PCGF5: variants seen among roughly 807,000 people sequenced by gnomAD.
The protein encoded by PCGF5 is polycomb group RING finger protein 5.
Under a neutral mutation model 44.3 loss-of-function variants are expected in PCGF5, and 9 were observed. That is an observed-to-expected ratio of 0.20 (90% CI 0.12 to 0.35). The LOEUF is 0.35. PCGF5 is among the 10% of genes least tolerant of loss of function. PCGF5 has a pLI of 1.00. For missense variants in PCGF5, 146 were observed against 305.3 expected (o/e 0.48, Z 3.89); for synonymous variants, 95 against 102.5 (o/e 0.93, Z 0.44).
intron 3 of PCGF5, among the ~76,000 whole-genome samples, chr10:91,246,646 G>A (rs1386544073): frequency 6.6e-6 from 1 of 152,130 alleles, no homozygotes; most frequent in East Asian, 1.9e-4. Context: ...TGGGAGAATA[G>A]GTGGGACAGA....
At chr10:91,233,893 G>A (rs1056116290) in intron 2 of PCGF5, among the ~76,000 whole-genome samples, 1 of 152,226 alleles carries the variant, frequency 6.6e-6, no homozygotes, top group Non-Finnish European at 1.5e-5. Flanking sequence ...AACAAAGGAA[G>A]TCAGCCTTTG....
chr10:91,212,611 T>C (rs1359027060), intron 1 of PCGF5, among the ~76,000 whole-genome samples: 1 of 152,198 alleles, frequency 6.6e-6, no homozygotes, highest in African/African-American at 2.4e-5. Context: ...TAAATCAAAG[T>C]GGAAAATAAC....
chr10:91,262,295 A>G (rs4451623), intron 7 of PCGF5, among the ~76,000 whole-genome samples: 19,843 of 152,024 alleles, frequency 0.13, 2,438 homozygotes, highest in African/African-American at 0.32. Flanking sequence ...GTGTGGTGGC[A>G]GGTGCCTGTA....
rs769887615 is a variant in PCGF5, at chr10:91,264,525, A to G, written c.663+5A>G. 3 of 1,597,164 alleles carry G rather than the reference A, an allele frequency of 1.9e-6. No homozygotes were observed. In the African/African-American group the frequency reaches 4.0e-5, roughly 22 times the overall value. ...TGGCGACTAAGAGGCGAAAACGTAA[A>G]TTGCTTTTATATTTACCTATGTGTT... On this transcript the variant is annotated splice_donor_5th_base_variant and intron_variant, in intron 8 of 9. Coordinates refer to ENST00000336126, the MANE Select transcript of PCGF5 (RefSeq NM_032373.5).
chr10:91,230,069 G>A (rs11186509), intron 2 of PCGF5, among the ~76,000 whole-genome samples: 35,220 of 151,926 alleles, frequency 0.23, 4,433 homozygotes, highest in Non-Finnish European at 0.28. Context: ...TGTATAGTTC[G>A]TTTAGCTTTT....
rs757113008 is a variant in PCGF5 at position 91,248,729 on chromosome 10, CTT to C, written c.325+9_325+10del. The stretch of plus-strand genomic sequence containing the variant: ...AGCCTCAAGAAAATGGACAAGGTGA[CTT>C]TTTCTTATGTCTGTTTCTGACAGCA... On this transcript the variant is annotated splice_donor_region_variant and intron_variant, in intron 5 of 9. Transcript: ENST00000336126. The C allele has an allele frequency of 6.2e-7, 1 of 1,604,382 alleles. No individual in the cohort carries two copies. Among genetic ancestry groups the C allele is most frequent in the East Asian group, 2.2e-5 (1 of 44,794 alleles).
intron 1 of PCGF5, among the ~76,000 whole-genome samples, chr10:91,186,368 G>A (rs1843923432): frequency 6.6e-6 from 1 of 152,166 alleles, no homozygotes; most frequent in African/African-American, 2.4e-5. Flanking sequence ...TAGGTGATTA[G>A]CAAGCAAGAG....
At chr10:91,251,094 C>T (rs914643775) in intron 5 of PCGF5, among the ~76,000 whole-genome samples, 198 bp from the exon 6 acceptor site, 30 of 143,288 alleles carry the variant, frequency 2.1e-4, no homozygotes, top group Admixed American at 6.8e-4. Context: ...TAATAAGTTT[C>T]CAATTTTTTT....
upstream of PCGF5, among the ~76,000 whole-genome samples, chr10:91,159,476 G>A (rs1188970581): frequency 1.3e-5 from 2 of 152,116 alleles, no homozygotes; most frequent in African/African-American, 2.4e-5. Flanking sequence ...AGAGAGCTCC[G>A]AGGCTCAGTG....
At chr10:91,157,977 G>C in the PCGF5 span, among the ~76,000 whole-genome samples, 1 of 152,214 alleles carries the variant, frequency 6.6e-6, no homozygotes, top group South Asian at 2.1e-4. Context: ...CAAGGTATTG[G>C]ATCATTAGTC....
chr10:91,160,574 T>C (rs1471744533), upstream of PCGF5, among the ~76,000 whole-genome samples: 1 of 151,992 alleles, frequency 6.6e-6, no homozygotes, highest in Non-Finnish European at 1.5e-5. Flanking sequence ...ATCTCCTTCA[T>C]GCTGAAGAAA....
rs749491247 is a variant in PCGF5, at chr10:91,207,204, C to A, written c.-183-15485C>A. On this transcript the variant is annotated intron_variant, in intron 1 of 9. Coordinates refer to the PCGF5 transcript ENST00000614189. ...CATTTACTTTTATTTAAGTTTAAGA[C>A]CACTTTGGTGAGGGATGTGCAGCTG... Among the ~76,000 whole-genome samples, 6 of 152,290 alleles carry A rather than the reference C, an allele frequency of 3.9e-5. No individual in the cohort carries two copies. The East Asian group carries it at 5.8e-4, about 15-fold the overall frequency.
rs1056805889 is a variant in PCGF5 at position 91,228,015 on chromosome 10, A to G, written c.112+5032A>G. The G allele has an allele frequency of 7.2e-6, 6 of 829,816 alleles. No homozygotes were observed. The African/African-American group carries it at 1.1e-4, about 15-fold the overall frequency. 51.4% of individuals were successfully genotyped at this position (829,816 alleles called of 1,614,324 possible). A position where few individuals can be genotyped will look rare whatever the true frequency, so the allele number is the denominator to read the frequency against. On this transcript the variant is annotated intron_variant, in intron 2 of 9. Coordinates refer to ENST00000336126, the MANE Select transcript of PCGF5 (RefSeq NM_032373.5). Reference sequence around the variant, plus strand: ...TCAAATGCAGTGATAGGTAACTTGAAACATGTAGGCATTGTTGGTTAGGAA... The same window carrying G: ...TCAAATGCAGTGATAGGTAACTTGAGACATGTAGGCATTGTTGGTTAGGAA...
At chr10:91,185,835 G>T (rs772270664) in intron 1 of PCGF5, among the ~76,000 whole-genome samples, 2 of 152,000 alleles carry the variant, frequency 1.3e-5, no homozygotes, top group Non-Finnish European at 2.9e-5. Context: ...CCTTGACTCC[G>T]TGTGGCTCCC....
rs564478655 is a variant in PCGF5, at chr10:91,243,180, A to G, written c.209+2600A>G. 1.3e-4 allele frequency among the ~76,000 whole-genome samples: 20 copies of G among 152,328 alleles called. 1 individual carries two copies. The East Asian group carries it at 1.4e-3, about 10-fold the overall frequency. ...TTGAGCGGACCTCAGAGGCCTGAGT[A>G]TACCAGGAGACTAAGGAGGTTGTGG... On this transcript the variant is annotated intron_variant, in intron 3 of 9. Coordinates refer to ENST00000336126, the MANE Select transcript of PCGF5 (RefSeq NM_032373.5).
chr10:91,259,763 C>T (rs1456574956), intron 6 of PCGF5, among the ~76,000 whole-genome samples: 1 of 152,070 alleles, frequency 6.6e-6, no homozygotes, highest in Non-Finnish European at 1.5e-5. Flanking sequence ...AACTGGCTAG[C>T]CATATGTAGA....
chr10:91,230,674 C>T (rs1242231647), intron 2 of PCGF5, among the ~76,000 whole-genome samples: 4 of 152,048 alleles, frequency 2.6e-5, no homozygotes, highest in Non-Finnish European at 4.4e-5. Flanking sequence ...GGCAAGATCT[C>T]GGCTCACTGC....
chr10:91,244,969 C>G (rs1007244885), intron 3 of PCGF5, among the ~76,000 whole-genome samples: 4 of 152,070 alleles, frequency 2.6e-5, no homozygotes, highest in Non-Finnish European at 5.9e-5. Flanking sequence ...AGGGAGAGGT[C>G]TGGGCTGGAG....
upstream of PCGF5, among the ~76,000 whole-genome samples, chr10:91,219,269 G>T (rs941884385): frequency 6.6e-6 from 1 of 152,068 alleles, no homozygotes; most frequent in Non-Finnish European, 1.5e-5. Flanking sequence ...TTTCCTTCAG[G>T]AATACTGATT....
Sources: allele counts gnomAD v4.1 joint callset (sites outside exome capture counted in the v4.1 genomes callset), GRCh38; gene constraint gnomAD v4.1.1; transcripts MANE v1.5; gene names NCBI Gene and HGNC (gene_info 2026-07-23, HGNC 2026-07-21).